Variants in CEP164 observed in about 807,000 individuals in gnomAD.
CEP164 encodes the protein centrosomal protein of 164 kDa.
A neutral mutation model predicts 182.7 loss-of-function variants in CEP164; 162 were observed. The ratio of observed to expected loss-of-function variants is 0.89; its 90% confidence interval spans 0.78 to 1.01. CEP164 has a LOEUF of 1.01. Among genes scored for constraint, CEP164 ranks in the 50% least tolerant of loss-of-function variants. CEP164 has a pLI of 0.00. For missense variants in CEP164, 1,735 were observed against 1,790.4 expected (o/e 0.97, Z 0.56); for synonymous variants, 661 against 690.0 (o/e 0.96, Z 0.66).
At chr11:117,350,349 G>C (rs1044568915) in intron 4 of CEP164, among the ~76,000 whole-genome samples, 1 of 152,042 alleles carries the variant, frequency 6.6e-6, no homozygotes, top group African/African-American at 2.4e-5. Context: ...GACTACAGAC[G>C]TGTGTCACTG....
intron 3 of CEP164, among the ~76,000 whole-genome samples, chr11:117,341,340 T>C (rs960541362): frequency 1.2e-4 from 18 of 152,186 alleles, no homozygotes; most frequent in African/African-American, 4.3e-4. Flanking sequence ...GCTGTGCTTT[T>C]AGTCCCCCCG....
rs542637357 is a variant in CEP164 at position 117,383,896 on chromosome 11, C to T, written c.1724+954C>T. Among the ~76,000 whole-genome samples, 7 of 152,242 alleles carry T rather than the reference C, an allele frequency of 4.6e-5. No individual in the cohort carries two copies. In the East Asian group the frequency reaches 1.4e-3, roughly 29 times the overall value. ...ACTAAAAATACAAAAATTAGCTGGG[C>T]GTGGTGGCAGGTGCCTATAATCCCA... On this transcript the variant is annotated intron_variant, in intron 14 of 32. Coordinates refer to ENST00000278935, the MANE Select transcript of CEP164 (RefSeq NM_014956.5).
intron 1 of CEP164, among the ~76,000 whole-genome samples, chr11:117,321,870 G>GGATT (rs1555071409): frequency 1.3e-5 from 2 of 150,144 alleles, no homozygotes; most frequent in Non-Finnish European, 3.0e-5. Context: ...AAATTTTTGG[G>GGATT]TTTTTTTTTA....
At chr11:117,330,163 A>G (rs2035969728) in intron 1 of CEP164, among the ~76,000 whole-genome samples, 1 of 152,064 alleles carries the variant, frequency 6.6e-6, no homozygotes, top group South Asian at 2.1e-4. Flanking sequence ...GCTTTCCCTG[A>G]TCTTCCTAAG....
intron 27 of CEP164, 99 bp from the exon 28 acceptor site, chr11:117,407,826 A>G: frequency 1.4e-6 from 1 of 739,762 alleles, no homozygotes. Flanking sequence ...AGCAGACTAT[A>G]GTAATTTGTT....
intron 8 of CEP164, among the ~76,000 whole-genome samples, chr11:117,366,801 C>T (rs2135804379): frequency 6.6e-6 from 1 of 152,312 alleles, no homozygotes; most frequent in East Asian, 1.9e-4. Flanking sequence ...CATGCCCTGT[C>T]CCCTGTGCTG....
intron 20 of CEP164, 79 bp downstream of exon 20, chr11:117,393,205 A>G: frequency 6.4e-7 from 1 of 1,550,890 alleles, no homozygotes; most frequent in Non-Finnish European, 8.7e-7. Flanking sequence ...ACATGCACAC[A>G]CACATGCACG....
rs914730781 is a variant in CEP164 at position 117,391,298 on chromosome 11, G to A, written c.2283+83G>A. 7.5e-6 allele frequency: 8 copies of A among 1,067,428 alleles called. No homozygotes were observed. In the African/African-American group the frequency reaches 9.5e-5, roughly 13 times the overall value. 66.1% of individuals were successfully genotyped at this position (1,067,428 alleles called of 1,614,324 possible). On this transcript the variant is annotated intron_variant, in intron 17 of 32. Transcript: ENST00000278935. ...GGACTGAGTGCACAAGGAGAAGAAG[G>A]GCAAGTCTCGGGTGGGCGTGCAGGC...
Position 117,411,218 on chromosome 11 carries a change from G to GC in CEP164, c.4163+328dup, listed in dbSNP as rs1302653303. On this transcript the variant is annotated intron_variant, in intron 31 of 32. Coordinates refer to ENST00000278935, the MANE Select transcript of CEP164 (RefSeq NM_014956.5). The surrounding 1 kb of genome is among the most constrained non-coding windows in gnomAD (Gnocchi z 4.4). ...GACCCTGCCCCCGCCCCTCCCTCTA[G>GC]CCCCTCCAGCCCCGGAGTCTGGCCT... is the stretch of plus-strand genomic sequence containing the variant. 1 of 332,176 alleles carries GC rather than the reference G, an allele frequency of 3.0e-6. No individual in the cohort carries two copies. Among genetic ancestry groups the GC allele is most frequent in the African/African-American group, 2.1e-5 (1 of 48,216 alleles). The allele number at this position is 332,176 out of a possible 1,614,324, so 20.6% of individuals were successfully genotyped here. A position where few individuals can be genotyped will look rare whatever the true frequency, so the allele number is the denominator to read the frequency against.
Position 117,409,694 on chromosome 11 carries a change from G to A in CEP164, c.3825G>A (p.Leu1275=), listed in dbSNP as rs763748904. Residue 1275 remains leucine (L), a synonymous_variant, in exon 30 of 33, where the codon CTG becomes CTA. Transcript: ENST00000278935. This position sits in a 1 kb window ranked among gnomAD's most constrained non-coding sequence, Gnocchi z 4.4. ...SHSLRQISSQ[L]SSVLSILDSL... is the part of the protein sequence containing the mutation. ...CCCTCCGGCAGATCAGCAGCCAGCTGAGCAGTGTCCTCAGCATCCTGGACA... is the reference window on the plus strand; with the variant it reads ...CCCTCCGGCAGATCAGCAGCCAGCTAAGCAGTGTCCTCAGCATCCTGGACA... 6.2e-7 allele frequency: 1 copy of A among 1,614,034 alleles called. No individual in the cohort carries two copies. Among genetic ancestry groups the A allele is most frequent in the African/African-American group, 1.3e-5 (1 of 74,908 alleles).
chr11:117,333,702 A>C (rs1042007748), intron 1 of CEP164, among the ~76,000 whole-genome samples: 22 of 149,650 alleles, frequency 1.5e-4, no homozygotes, highest in African/African-American at 5.4e-4. Flanking sequence ...CTAATTTTTA[A>C]TTTTTTTTGT....
chr11:117,361,895 G>A lies in CEP164; in HGVS notation c.454G>A (p.Gly152Ser), dbSNP rs1284249603. The change falls in exon 6 of 33, where the codon GGT becomes AGT. Residue 152 changes from glycine to serine, a missense_variant. Gly to Ser is a moderately conservative substitution (Grantham distance 56). Transcript: ENST00000278935. ...VPLGGLAPLR[G>S]LVDTPPSALR... ...TCTTGGGGGCCTGGCTCCTTTACGA[G>A]GTCTTGTGGATACCCCACCCTCTGC... 3.7e-6 allele frequency: 6 copies of A among 1,614,070 alleles called. No individual in the cohort carries two copies. Among genetic ancestry groups the A allele is most frequent in the Non-Finnish European group, 5.1e-6 (6 of 1,179,998 alleles).
chr11:117,344,313 T>C, intron 4 of CEP164, 36 bp downstream of exon 4: 1 of 1,434,822 alleles, frequency 7.0e-7, no homozygotes, highest in Non-Finnish European at 9.7e-7. Flanking sequence ...TGACTTGGCC[T>C]AGCAGAGGCA....
At chr11:117,359,446 G>A (rs2040687286) in intron 5 of CEP164, 2 of 985,422 alleles carry the variant, frequency 2.0e-6, no homozygotes, top group South Asian at 9.4e-5. Flanking sequence ...GATGATTGTG[G>A]ACCTGCAGAA....
At chr11:117,396,967 C>T in intron 26 of CEP164, 124 bp from the exon 27 acceptor site, 1 of 871,656 alleles carries the variant, frequency 1.1e-6, no homozygotes, top group Non-Finnish European at 1.7e-6. Context: ...ACTCACAGTG[C>T]CCAGCCCTAG....
At chr11:117,337,848 A>G (rs1310501300) in intron 2 of CEP164, among the ~76,000 whole-genome samples, 2 of 151,602 alleles carry the variant, frequency 1.3e-5, no homozygotes. Flanking sequence ...GACAGGGTGG[A>G]GGCTCTTTAG....
Position 117,361,927 on chromosome 11 carries a change from T to A in CEP164, c.486T>A (p.Arg162=). 1 of 1,610,898 alleles carries A rather than the reference T, an allele frequency of 6.2e-7. No individual in the cohort carries two copies. Among genetic ancestry groups the A allele is most frequent in the South Asian group, 1.1e-5 (1 of 90,420 alleles). The part of the protein sequence containing the change: ...GLVDTPPSAL[R]GSQSVSLGSS... Reference sequence around the variant, plus strand: ...TGGATACCCCACCCTCTGCTCTTCGTGGATCTCAAAGCGTGAGCCTGGGGA... The same window carrying A: ...TGGATACCCCACCCTCTGCTCTTCGAGGATCTCAAAGCGTGAGCCTGGGGA... The change falls in exon 6 of 33, where the codon CGT becomes CGA. Residue 162 remains arginine, a synonymous_variant. Transcript: ENST00000278935.
At chr11:117,331,980 T>TG (rs1269149069) in intron 1 of CEP164, among the ~76,000 whole-genome samples, 9 of 56,834 alleles carry the variant, frequency 1.6e-4, no homozygotes, top group African/African-American at 1.1e-3. Context: ...CATGCCTGGC[T>TG]AATATATATA....
At chr11:117,393,376 G>T (rs978176375) in intron 20 of CEP164, among the ~76,000 whole-genome samples, 2 of 152,146 alleles carry the variant, frequency 1.3e-5, no homozygotes, top group African/African-American at 4.8e-5. Flanking sequence ...TCCACCTAAT[G>T]GGGGGCAATT....
Sources: gnomAD v4.1 joint callset for allele counts (sites outside exome capture counted in the v4.1 genomes callset) on GRCh38, gnomAD v4.1.1 for gene constraint, Gnocchi (gnomAD v3.1) non-coding constraint, MANE v1.5 for transcripts, NCBI Gene and HGNC (gene_info 2026-07-23, HGNC 2026-07-21) for gene names.